SLIT2: variants seen among roughly 807,000 people sequenced by gnomAD.
SLIT2 encodes slit guidance ligand 2.
Under a neutral mutation model 185.7 loss-of-function variants are expected in SLIT2, and 41 were observed. That is an observed-to-expected ratio of 0.22 (90% CI 0.17 to 0.29). SLIT2 has a LOEUF of 0.29. SLIT2 is among the 10% of genes least tolerant of loss of function. The pLI, the probability that SLIT2 is intolerant of heterozygous loss-of-function variation, is 1.00. For synonymous variants in SLIT2, 693 were observed against 680.2 expected (o/e 1.02, Z -0.29); for missense variants, 1,571 against 1,909.0 (o/e 0.82, Z 3.30).
At chr4:20,411,319 T>G (rs1173240847) in intron 4 of SLIT2, among the ~76,000 whole-genome samples, 1 of 152,216 alleles carries the variant, frequency 6.6e-6, no homozygotes, top group African/African-American at 2.4e-5. Context: ...AGCATATTGT[T>G]TCATTTAACA....
intron 9 of SLIT2, among the ~76,000 whole-genome samples, chr4:20,500,057 T>C (rs1185945992): frequency 6.6e-6 from 1 of 152,180 alleles, no homozygotes; most frequent in Non-Finnish European, 1.5e-5. Flanking sequence ...TGACTACTAT[T>C]CAGACAATAT....
rs1303816140 is a variant in SLIT2, at chr4:20,471,813, A to G, written c.467+3990A>G. On this transcript the variant is annotated intron_variant, in intron 5 of 36. Coordinates refer to ENST00000504154, the MANE Select transcript of SLIT2 (RefSeq NM_004787.4). ...ATTCCCCTTCCTCCAGGCAAGCCAC[A>G]CTAAAACTATTCTAAACAGATGGAC... Among the ~76,000 whole-genome samples, 10 of 152,280 alleles carry G rather than the reference A, an allele frequency of 6.6e-5. No individual in the cohort carries two copies. In the East Asian group the frequency reaches 1.5e-3, roughly 24 times the overall value.
intron 20 of SLIT2, among the ~76,000 whole-genome samples, chr4:20,542,248 G>A (rs1397786555): frequency 6.6e-6 from 1 of 152,102 alleles, no homozygotes; most frequent in East Asian, 1.9e-4. Context: ...ATTTTCCATT[G>A]TATTGGTAAT....
chr4:20,323,273 A>C (rs1295376581), intron 4 of SLIT2, among the ~76,000 whole-genome samples: 1 of 152,170 alleles, frequency 6.6e-6, no homozygotes, highest in African/African-American at 2.4e-5. Flanking sequence ...TTCCAGGCAA[A>C]AGTAAAACCA....
intron 4 of SLIT2, among the ~76,000 whole-genome samples, chr4:20,293,760 G>A (rs1171986963): frequency 6.6e-6 from 1 of 152,082 alleles, no homozygotes; most frequent in East Asian, 1.9e-4. Context: ...AGAAACTTAG[G>A]TGAAGAGACA....
intron 11 of SLIT2, among the ~76,000 whole-genome samples, chr4:20,512,302 G>A (rs1719828554): frequency 6.6e-6 from 1 of 152,098 alleles, no homozygotes; most frequent in South Asian, 2.1e-4. Flanking sequence ...CTTTCCAAGG[G>A]GAGAACTAGA....
intron 4 of SLIT2, among the ~76,000 whole-genome samples, chr4:20,401,268 G>C (rs1726338197): frequency 6.6e-6 from 1 of 151,838 alleles, no homozygotes; most frequent in South Asian, 2.1e-4. Context: ...TCTCCATTCA[G>C]TTCTTGGGAA....
rs553566319 is a variant in SLIT2, at chr4:20,264,116, T to TAGCA, written c.324-4691_324-4688dup. Among the ~76,000 whole-genome samples the TAGCA allele has an allele frequency of 3.1e-4, 47 of 152,044 alleles. 1 individual carries two copies. The South Asian group carries it at 3.9e-3, about 13-fold the overall frequency. On this transcript the variant is annotated intron_variant, in intron 3 of 36. Coordinates refer to ENST00000504154, the MANE Select transcript of SLIT2 (RefSeq NM_004787.4). ...TTTTGCTAATAAGTATTGACATCCC[T>TAGCA]AGCAAGGAATACAAGGGATTAAGTT... is the stretch of plus-strand genomic sequence containing the variant.
At chr4:20,575,822 C>T (rs549958785) in intron 29 of SLIT2, among the ~76,000 whole-genome samples, 13 of 151,894 alleles carry the variant, frequency 8.6e-5, no homozygotes, top group Non-Finnish European at 1.9e-4. Flanking sequence ...CGAATGAATG[C>T]CTGTACAATT....
intron 4 of SLIT2, among the ~76,000 whole-genome samples, chr4:20,429,315 T>A (rs903468330): frequency 4.6e-5 from 7 of 152,204 alleles, no homozygotes; most frequent in African/African-American, 1.4e-4. Context: ...TTTTTGTAAA[T>A]GTTAAAATGT....
In SLIT2 at chr4:20,595,730, C is replaced by T; in HGVS notation, c.3216C>T (p.His1072=). The change falls in exon 31 of 37, where the codon CAC becomes CAT. Residue 1072 remains histidine, a synonymous_variant. Coordinates refer to ENST00000504154, the MANE Select transcript of SLIT2 (RefSeq NM_004787.4). The part of the protein sequence containing the change: ...CDCTPGYVGE[H]CDIDFDDCQD... ...GCACACCAGGGTACGTAGGTGAACACTGCGACATCGATTTTGACGACTGCC... is the reference window on the plus strand; with the variant it reads ...GCACACCAGGGTACGTAGGTGAACATTGCGACATCGATTTTGACGACTGCC... The T allele has an allele frequency of 6.2e-7, 1 of 1,614,136 alleles. No individual in the cohort carries two copies.
intron 4 of SLIT2, among the ~76,000 whole-genome samples, chr4:20,418,051 G>A (rs1418618096): frequency 6.6e-6 from 1 of 152,146 alleles, no homozygotes; most frequent in Non-Finnish European, 1.5e-5. Context: ...TGTACCACTG[G>A]AAGAGGCAGA....
intron 12 of SLIT2, among the ~76,000 whole-genome samples, chr4:20,520,388 A>G (rs548681256): frequency 2.0e-5 from 3 of 152,338 alleles, no homozygotes; most frequent in African/African-American, 2.4e-5. Context: ...TTCTATTCAT[A>G]TCATCAGAGG....
Position 20,270,476 on chromosome 4 carries a change from A to G in SLIT2, c.395+1595A>G, listed in dbSNP as rs1447540314. On this transcript the variant is annotated intron_variant, in intron 4 of 36. Transcript: ENST00000504154. ...TAACTGTATGCAGCTGCTGTATGAAAAAAGACTTGAAATCTTTAAGTGAAT... is the reference window on the plus strand; with the variant it reads ...TAACTGTATGCAGCTGCTGTATGAAGAAAGACTTGAAATCTTTAAGTGAAT... Among the ~76,000 whole-genome samples the G allele has an allele frequency of 3.3e-5, 5 of 152,120 alleles. No homozygotes were observed. In the East Asian group the frequency reaches 9.6e-4, roughly 29 times the overall value.
At chr4:20,286,233 G>A (rs1036970675) in intron 4 of SLIT2, among the ~76,000 whole-genome samples, 3 of 152,234 alleles carry the variant, frequency 2.0e-5, no homozygotes, top group African/African-American at 7.2e-5. Flanking sequence ...CTCACTTTAT[G>A]CATCGTTAAT....
rs1491274435 is a variant in SLIT2, at chr4:20,463,491, A to ATATG, written c.396-4260_396-4259insATGT. On this transcript the variant is annotated intron_variant, in intron 4 of 36. Transcript: ENST00000504154. ...TATATATATATATATATATATATAT[A>ATATG]TGTGTGTGTGCGTATATCCATATAT... 5.9e-3 allele frequency among the ~76,000 whole-genome samples: 569 copies of ATATG among 95,646 alleles called. 2 individuals are homozygous for ATATG. Among genetic ancestry groups the ATATG allele is most frequent in the East Asian group, 0.012 (47 of 3,832 alleles). 62.7% of individuals were successfully genotyped at this position (95,646 alleles called of 152,430 possible).
intron 8 of SLIT2, among the ~76,000 whole-genome samples, chr4:20,489,299 T>G (rs1717558281): frequency 6.6e-6 from 1 of 152,210 alleles, no homozygotes; most frequent in Admixed American, 6.5e-5. Flanking sequence ...AATTTATAGC[T>G]ACTTTTATGT....
chr4:20,619,712 A>G lies in SLIT2; in HGVS notation c.*703A>G, dbSNP rs891500087. 4.6e-5 allele frequency: 7 copies of G among 152,146 alleles called. No individual in the cohort carries two copies. Among genetic ancestry groups the G allele is most frequent in the Non-Finnish European group, 8.8e-5 (6 of 68,038 alleles). 9.4% of individuals were successfully genotyped at this position (152,146 alleles called of 1,614,324 possible). A position where few individuals can be genotyped will look rare whatever the true frequency, so the allele number is the denominator to read the frequency against. On this transcript the variant is annotated 3_prime_UTR_variant, in exon 37 of 37. Coordinates refer to ENST00000504154, the MANE Select transcript of SLIT2 (RefSeq NM_004787.4). ...ATAGATTATTGATAAATAAATTAGTAATAATATGATTTTTTGTTTCTATGA... is the reference window on the plus strand; with the variant it reads ...ATAGATTATTGATAAATAAATTAGTGATAATATGATTTTTTGTTTCTATGA...
At chr4:20,605,573 C>T (rs1166074355) in intron 33 of SLIT2, among the ~76,000 whole-genome samples, 1 of 152,078 alleles carries the variant, frequency 6.6e-6, no homozygotes, top group Non-Finnish European at 1.5e-5. Context: ...CTTATCAGAA[C>T]CCAAAAGGAT....
Sources: allele counts gnomAD v4.1 joint callset (sites outside exome capture counted in the v4.1 genomes callset), GRCh38; gene constraint gnomAD v4.1.1; transcripts MANE v1.5; gene names NCBI Gene and HGNC (gene_info 2026-07-23, HGNC 2026-07-21).